Variants in ZNF664 observed in about 807,000 individuals in gnomAD.
The protein encoded by ZNF664 is zinc finger protein 664.
Under a neutral mutation model 18.2 loss-of-function variants are expected in ZNF664, and 10 were observed. The ratio of observed to expected loss-of-function variants is 0.55; its 90% confidence interval spans 0.34 to 0.93. The LOEUF (loss-of-function observed/expected upper bound fraction) is 0.93, where lower values mean the gene tolerates loss of function less well. Ranked by LOEUF, ZNF664 falls within the 40% of genes least tolerant of loss-of-function variation. The pLI is 0.02. For synonymous variants in ZNF664, 119 were observed against 104.2 expected (o/e 1.14, Z -0.86); for missense variants, 193 against 319.0 (o/e 0.61, Z 3.01).
At chr12:124,008,234 C>G (rs754386439) in intron 3 of ZNF664, among the ~76,000 whole-genome samples, 15 of 152,250 alleles carry the variant, frequency 9.9e-5, no homozygotes, top group Non-Finnish European at 2.2e-4. Context: ...AGTAGTTCCT[C>G]TGTCCCTTCA....
intron 2 of ZNF664, among the ~76,000 whole-genome samples, chr12:123,976,576 G>A (rs1342115049): frequency 6.6e-6 from 1 of 152,098 alleles, no homozygotes; most frequent in Non-Finnish European, 1.5e-5. Context: ...TGGGATTTAC[G>A]AAGAGGAGTG....
intron 3 of ZNF664, among the ~76,000 whole-genome samples, chr12:123,996,734 T>C (rs1956952768): frequency 6.6e-6 from 1 of 152,170 alleles, no homozygotes; most frequent in Admixed American, 6.5e-5. Context: ...AGTGGCCAAT[T>C]AGATTGCAGG....
At chr12:123,996,013 T>C (rs535752112) in intron 3 of ZNF664, among the ~76,000 whole-genome samples, 3 of 152,112 alleles carry the variant, frequency 2.0e-5, no homozygotes, top group African/African-American at 7.2e-5. Flanking sequence ...GAAGTTAGAG[T>C]GCAGTTAGGA....
rs1957159202 is a variant in ZNF664 at position 124,013,660 on chromosome 12, A to G, written c.*730A>G. ...TTATTTTGTAGTGGCTGCATCACAT[A>G]TTTTTCACTTGAATTTTTTTGGAAA... On this transcript the variant is annotated 3_prime_UTR_variant, in exon 5 of 5. Transcript: ENST00000337815. The G allele has an allele frequency of 6.0e-6, 1 of 167,028 alleles. No individual in the cohort carries two copies. The allele number at this position is 167,028 out of a possible 1,614,324, so 10.3% of individuals were successfully genotyped here.
intron 3 of ZNF664, among the ~76,000 whole-genome samples, chr12:124,009,942 A>G (rs1417744297): frequency 6.6e-6 from 1 of 150,606 alleles, no homozygotes; most frequent in East Asian, 1.9e-4. Flanking sequence ...GTCAGTGCAC[A>G]GTGCTTGTCC....
intron 2 of ZNF664, among the ~76,000 whole-genome samples, chr12:123,975,241 A>G (rs1956674567): frequency 6.6e-6 from 1 of 152,184 alleles, no homozygotes; most frequent in South Asian, 2.1e-4. Flanking sequence ...AATATCATTT[A>G]TATTTTTTGA....
At position 124,011,992 on chromosome 12, in the gene ZNF664, A is replaced by ACT. The variant is rs1957139933; in HGVS notation, c.-153_-152insCT. ...CCTTCCGTAGAAAGACAGGCAGGGA[A>ACT]AAGCTTAGGCTGACCTTAAACTTAC... On this transcript the variant is annotated 5_prime_UTR_variant, in exon 5 of 5. An upstream open reading frame in the 5' UTR gains an earlier in-frame stop. Transcript: ENST00000337815. 4 of 1,431,608 alleles carry ACT rather than the reference A, an allele frequency of 2.8e-6. No homozygotes were observed. The highest frequency in any genetic ancestry group is 3.6e-6 in the Non-Finnish European group (4 of 1,101,330). 88.7% of individuals were successfully genotyped at this position (1,431,608 alleles called of 1,614,324 possible).
At chr12:123,974,547 T>C (rs1594534946) in intron 2 of ZNF664, 1 of 152,390 alleles carries the variant, frequency 6.6e-6, no homozygotes, top group South Asian at 2.1e-4. Context: ...TAAAAATTAA[T>C]TCTAAATTAG....
At chr12:123,993,846 G>C (rs559878515) in intron 3 of ZNF664, among the ~76,000 whole-genome samples, 2 of 152,158 alleles carry the variant, frequency 1.3e-5, no homozygotes, top group African/African-American at 2.4e-5. Flanking sequence ...CATTTTTGAG[G>C]AGGAGGAGTT....
intron 3 of ZNF664, among the ~76,000 whole-genome samples, chr12:123,988,524 C>T (rs1956850615): frequency 6.6e-6 from 1 of 151,986 alleles, no homozygotes; most frequent in Non-Finnish European, 1.5e-5. Flanking sequence ...TCTGTTGTTC[C>T]TATCCTCACC....
rs538038289 is a variant in ZNF664, at chr12:124,015,169, C to A, written c.*2239C>A. 3 of 167,050 alleles carry A rather than the reference C, an allele frequency of 1.8e-5. No individual in the cohort carries two copies. The highest frequency in any genetic ancestry group is 7.2e-5 in the African/African-American group (3 of 41,440). 10.3% of individuals were successfully genotyped at this position (167,050 alleles called of 1,614,324 possible). The stretch of plus-strand genomic sequence containing the variant: ...ATTAGGTATGTGAGCTTGGGCAAAT[C>A]GCTTAATCTTTGAGTCTAGTTTTCT... On this transcript the variant is annotated 3_prime_UTR_variant, in exon 5 of 5. Transcript: ENST00000337815.
chr12:124,007,074 T>A (rs143646370), intron 3 of ZNF664, among the ~76,000 whole-genome samples: 25 of 152,312 alleles, frequency 1.6e-4, no homozygotes, highest in African/African-American at 5.5e-4. Context: ...ATCCTTGCTG[T>A]GTGTTGGCCT....
chr12:123,973,985 T>C lies in ZNF664; in HGVS notation c.-792T>C. ...AGGCTGCTGCCGCCGGACGCCTCCA[T>C]TGTTTGACCACAACAAGGGCCGGAT... On this transcript the variant is annotated 5_prime_UTR_variant, in exon 2 of 5. Transcript: ENST00000337815. The C allele has an allele frequency of 4.1e-6, 5 of 1,231,946 alleles. No homozygotes were observed. The highest frequency in any genetic ancestry group is 5.1e-6 in the Non-Finnish European group (5 of 988,116). The allele number at this position is 1,231,946 out of a possible 1,614,324, so 76.3% of individuals were successfully genotyped here.
intron 3 of ZNF664, among the ~76,000 whole-genome samples, chr12:124,008,063 T>G (rs12303671): frequency 0.39 from 58,667 of 152,060 alleles, 12,408 homozygotes; most frequent in African/African-American, 0.56. Context: ...TGCAAAGAAG[T>G]TCCTCTGATT....
chr12:123,982,167 G>T (rs1204306645), intron 2 of ZNF664, among the ~76,000 whole-genome samples: 4 of 152,220 alleles, frequency 2.6e-5, no homozygotes, highest in Admixed American at 2.6e-4. Flanking sequence ...GAAATAGGCA[G>T]AGTGGTGCCC....
At chr12:123,974,680 T>TG (rs1956663823) in intron 2 of ZNF664, 3 of 152,372 alleles carry the variant, frequency 2.0e-5, no homozygotes, top group East Asian at 3.9e-4. Flanking sequence ...CTTCTAGATC[T>TG]TTTGGAGTAC....
At chr12:123,981,077 A>C (rs1956759861) in intron 2 of ZNF664, among the ~76,000 whole-genome samples, 1 of 152,212 alleles carries the variant, frequency 6.6e-6, no homozygotes. Flanking sequence ...ATTAGAGGGA[A>C]GCAAGACTGG....
intron 3 of ZNF664, among the ~76,000 whole-genome samples, chr12:123,999,426 T>A (rs1409154227): frequency 6.6e-6 from 1 of 152,220 alleles, no homozygotes; most frequent in African/African-American, 2.4e-5. Context: ...ATATAGTTAG[T>A]GCTTCATAGG....
intron 2 of ZNF664, among the ~76,000 whole-genome samples, chr12:123,984,988 C>G (rs1268743241): frequency 2.0e-5 from 3 of 151,818 alleles, no homozygotes; most frequent in Non-Finnish European, 4.4e-5. Context: ...CCGAGGAGAC[C>G]GTAGACTAGG....
Sources: allele counts gnomAD v4.1 joint callset (sites outside exome capture counted in the v4.1 genomes callset), GRCh38; gene constraint gnomAD v4.1.1; transcripts MANE v1.5; gene names NCBI Gene and HGNC (gene_info 2026-07-23, HGNC 2026-07-21).